Variants in PARD3B observed in about 807,000 individuals in gnomAD.
The protein encoded by PARD3B is par-3 family cell polarity regulator beta.
In PARD3B, 103 loss-of-function variants were observed where a neutral mutation model predicts 130.2. That is an observed-to-expected ratio of 0.79 (90% confidence interval 0.67 to 0.93). PARD3B has a LOEUF of 0.93. Among genes scored for constraint, PARD3B ranks in the 40% least tolerant of loss-of-function variants. The pLI is 0.00. For missense variants in PARD3B, 1,609 were observed against 1,499.2 expected, an observed-to-expected ratio of 1.07 and a Z score of -1.21; for synonymous variants, 583 against 553.2, an observed-to-expected ratio of 1.05 and a Z score of -0.76.
At chr2:204,704,955 G>A (rs139003030) in intron 2 of PARD3B, among the ~76,000 whole-genome samples, 1 of 152,290 alleles carries the variant, frequency 6.6e-6, no homozygotes, top group East Asian at 1.9e-4. Context: ...GCATTATGTA[G>A]TAGTATTTAT....
Position 205,322,889 on chromosome 2 carries a change from C to CTTTTTTTTTTT in PARD3B, c.2630+21220_2630+21230dup, listed in dbSNP as rs71032461. Among the ~76,000 whole-genome samples the CTTTTTTTTTTT allele has an allele frequency of 3.1e-4, 16 of 51,468 alleles. 1 individual carries two copies. Among genetic ancestry groups the CTTTTTTTTTTT allele is most frequent in the South Asian group, 7.2e-4 (1 of 1,388 alleles). 33.8% of individuals were successfully genotyped at this position (51,468 alleles called of 152,430 possible). On this transcript the variant is annotated intron_variant, in intron 18 of 22. Transcript: ENST00000406610. ...TGTTGTTATATCATTATTAACACCTCTTTTTTTTTTTTTTTTTTTTTTTTT... is the reference window on the plus strand; with the variant it reads ...TGTTGTTATATCATTATTAACACCTCTTTTTTTTTTTTTTTTTTTTTTTTTTTTTTTTTTTT...
chr2:204,683,216 G>A (rs2036922774), intron 1 of PARD3B, among the ~76,000 whole-genome samples: 1 of 152,028 alleles, frequency 6.6e-6, no homozygotes, highest in South Asian at 2.1e-4. Flanking sequence ...ACATTGCATA[G>A]CAAAATGAAC....
intron 2 of PARD3B, among the ~76,000 whole-genome samples, chr2:204,933,205 A>C (rs1688158174): frequency 6.6e-6 from 1 of 152,182 alleles, no homozygotes; most frequent in Non-Finnish European, 1.5e-5. Flanking sequence ...GCCTGGAGTA[A>C]AATTACTTTA....
chr2:204,965,435 G>A (rs919419930), intron 3 of PARD3B, 112 bp downstream of exon 3: 3 of 1,160,672 alleles, frequency 2.6e-6, no homozygotes, highest in African/African-American at 3.2e-5. Context: ...TTATATCGTG[G>A]TTTATCTTTT....
At chr2:205,017,964 T>A (rs1157426306) in intron 3 of PARD3B, among the ~76,000 whole-genome samples, 1 of 152,206 alleles carries the variant, frequency 6.6e-6, no homozygotes, top group African/African-American at 2.4e-5. Context: ...AAAATCTGTG[T>A]TTTTAAATAA....
intron 4 of PARD3B, among the ~76,000 whole-genome samples, chr2:205,069,396 A>C (rs571183597): frequency 1.4e-4 from 21 of 152,058 alleles, no homozygotes; most frequent in Non-Finnish European, 2.5e-4. Flanking sequence ...CTGATAATCT[A>C]TGTATTTAAA....
intron 1 of PARD3B, among the ~76,000 whole-genome samples, chr2:204,663,655 C>CCT (rs1399670973): frequency 6.6e-6 from 1 of 152,172 alleles, no homozygotes; most frequent in Non-Finnish European, 1.5e-5. Context: ...GTGAGGTGAG[C>CCT]TACCTCTTTG....
rs1190386236 is a variant in PARD3B, at chr2:204,689,465, GTTA to G, written c.222+3186_222+3188del. ...ACTTAATAATTATCTGGTTGTGACA[GTTA>G]TTCTCAAGATTCTTCAGTTTGTCTA... is the stretch of plus-strand genomic sequence containing the variant. On this transcript the variant is annotated intron_variant, in intron 2 of 22. Coordinates refer to ENST00000406610, the MANE Select transcript of PARD3B (RefSeq NM_001302769.2). The surrounding 1 kb of genome is among the most constrained non-coding windows in gnomAD (Gnocchi z 5.2). Among the ~76,000 whole-genome samples the G allele has an allele frequency of 6.6e-6, 1 of 152,122 alleles. No homozygotes were observed. The highest frequency in any genetic ancestry group is 1.5e-5 in the Non-Finnish European group (1 of 68,016).
Position 205,118,641 on chromosome 2 carries a change from C to T in PARD3B, c.681-280C>T, listed in dbSNP as rs1303395948. Among the ~76,000 whole-genome samples the T allele has an allele frequency of 2.6e-5, 4 of 152,144 alleles. No homozygotes were observed. The East Asian group carries it at 7.7e-4, about 29-fold the overall frequency. On this transcript the variant is annotated intron_variant, in intron 6 of 22. Coordinates refer to ENST00000406610, the MANE Select transcript of PARD3B (RefSeq NM_001302769.2). ...AAACCACAAGTCTTTGGTGTCAACTCCAGTAAACTAGCCTTTCAATAAGTT... is the reference window on the plus strand; with the variant it reads ...AAACCACAAGTCTTTGGTGTCAACTTCAGTAAACTAGCCTTTCAATAAGTT...
chr2:204,987,606 C>A (rs1693277808), intron 3 of PARD3B, among the ~76,000 whole-genome samples: 1 of 152,122 alleles, frequency 6.6e-6, no homozygotes, highest in Admixed American at 6.5e-5. Flanking sequence ...GTGTAGTGGT[C>A]AGTCAATAAT....
At chr2:205,476,624 G>T (rs1182774447) in intron 20 of PARD3B, among the ~76,000 whole-genome samples, 1 of 151,208 alleles carries the variant, frequency 6.6e-6, no homozygotes, top group South Asian at 2.1e-4. Flanking sequence ...TTTTTTGTTT[G>T]TTTTTTTGTT....
At chr2:205,609,984 A>G (rs2055172616) in intron 22 of PARD3B, among the ~76,000 whole-genome samples, 1 of 152,230 alleles carries the variant, frequency 6.6e-6, no homozygotes. Context: ...AGACAGGATT[A>G]CAAATGATTT....
At chr2:204,674,261 C>T (rs1406234097) in intron 1 of PARD3B, among the ~76,000 whole-genome samples, 4 of 151,986 alleles carry the variant, frequency 2.6e-5, no homozygotes, top group Non-Finnish European at 2.9e-5. Context: ...AGGGAATCAG[C>T]GTTAGTTAGG....
chr2:205,418,369 G>T (rs56063014), intron 19 of PARD3B, among the ~76,000 whole-genome samples: 10,630 of 152,112 alleles, frequency 0.07, 1,173 homozygotes, highest in African/African-American at 0.24. Flanking sequence ...GCACATGAGG[G>T]AAATGGCAAG....
chr2:205,100,824 T>C (rs186396497), intron 4 of PARD3B, among the ~76,000 whole-genome samples: 87 of 152,204 alleles, frequency 5.7e-4, no homozygotes, highest in Non-Finnish European at 1.1e-3. Flanking sequence ...CCTCACACAG[T>C]GTGCAGGAAT....
intron 1 of PARD3B, among the ~76,000 whole-genome samples, chr2:204,562,229 T>C (rs1181541772): frequency 6.6e-6 from 1 of 152,112 alleles, no homozygotes; most frequent in African/African-American, 2.4e-5. Context: ...TTAGGGCCCA[T>C]AGTAAAAAAA....
chr2:205,233,542 A>G (rs2125898774), intron 15 of PARD3B, among the ~76,000 whole-genome samples: 1 of 152,256 alleles, frequency 6.6e-6, no homozygotes, highest in Admixed American at 6.5e-5. Flanking sequence ...TAAGACATAT[A>G]AAAATATATT....
At position 204,568,506 on chromosome 2, in the gene PARD3B, A is replaced by AT. The variant is rs549839156; in HGVS notation, c.120+22394dup. 7.9e-5 allele frequency among the ~76,000 whole-genome samples: 12 copies of AT among 152,312 alleles called. No individual in the cohort carries two copies. In the East Asian group the frequency reaches 1.9e-3, roughly 24 times the overall value. On this transcript the variant is annotated intron_variant, in intron 1 of 22. Transcript: ENST00000406610. ...AAGTCTGTTCTTAATCTTTAAAAAA[A>AT]TTTTTTTAAGATCATTTAAGGAGGG...
chr2:205,535,909 C>CCTTTTTT (rs2051832314), intron 21 of PARD3B, among the ~76,000 whole-genome samples: 1 of 152,168 alleles, frequency 6.6e-6, no homozygotes, highest in East Asian at 1.9e-4. Context: ...AATTTCATTT[C>CCTTTTTT]CTGGTGTTTT....
Sources: gnomAD v4.1 joint callset for allele counts (sites outside exome capture counted in the v4.1 genomes callset) on GRCh38, gnomAD v4.1.1 for gene constraint, Gnocchi (gnomAD v3.1) non-coding constraint, MANE v1.5 for transcripts, NCBI Gene and HGNC (gene_info 2026-07-23, HGNC 2026-07-21) for gene names.